Variants in FER observed in about 807,000 individuals in gnomAD.
The protein encoded by FER is FER tyrosine kinase.
Under a neutral mutation model 111.0 loss-of-function variants are expected in FER, and 63 were observed. The ratio of observed to expected loss-of-function variants is 0.57; its 90% confidence interval spans 0.46 to 0.70. The LOEUF (loss-of-function observed/expected upper bound fraction) is 0.70. Among genes scored for constraint, FER ranks in the 30% least tolerant of loss-of-function variants. The pLI, the probability that FER is intolerant of heterozygous loss-of-function variation, is 0.00. For missense variants in FER, 914 were observed against 954.0 expected (o/e 0.96, Z 0.55); for synonymous variants, 327 against 313.9 (o/e 1.04, Z -0.44).
chr5:108,764,971 C>G (rs1302555864), intron 1 of FER, among the ~76,000 whole-genome samples: 1 of 152,012 alleles, frequency 6.6e-6, no homozygotes, highest in African/African-American at 2.4e-5. Flanking sequence ...ATTTTGCGCC[C>G]CAGGTATTTC....
intron 11 of FER, among the ~76,000 whole-genome samples, chr5:108,947,373 T>C (rs1477102114): frequency 6.6e-6 from 1 of 152,068 alleles, no homozygotes; most frequent in Non-Finnish European, 1.5e-5. Flanking sequence ...ATTTTAAATG[T>C]TTTCATGTTA....
intron 17 of FER, among the ~76,000 whole-genome samples, chr5:109,113,122 CTGA>C (rs1322102402): frequency 6.6e-6 from 1 of 152,128 alleles, no homozygotes; most frequent in Non-Finnish European, 1.5e-5. Flanking sequence ...TAGAACCAAC[CTGA>C]TGATGTCAGA....
chr5:108,988,760 G>A (rs1416000720), intron 13 of FER, among the ~76,000 whole-genome samples: 1 of 151,842 alleles, frequency 6.6e-6, no homozygotes. Context: ...TATCTTTGTT[G>A]TTGTTGGTTT....
At chr5:109,022,658 G>A (rs548731684) in intron 13 of FER, among the ~76,000 whole-genome samples, 1 of 152,186 alleles carries the variant, frequency 6.6e-6, no homozygotes, top group South Asian at 2.1e-4. Context: ...ACTTTAGTTA[G>A]GATGATCAGA....
At chr5:108,848,130 T>C (rs1762200028) in intron 5 of FER, among the ~76,000 whole-genome samples, 1 of 152,204 alleles carries the variant, frequency 6.6e-6, no homozygotes, top group Non-Finnish European at 1.5e-5. Context: ...TCTGCCTCCC[T>C]GGGCCTCCCA....
At chr5:108,980,358 A>G (rs967786882) in intron 13 of FER, among the ~76,000 whole-genome samples, 2 of 152,142 alleles carry the variant, frequency 1.3e-5, no homozygotes, top group African/African-American at 4.8e-5. Flanking sequence ...AAGGCCATAG[A>G]GAAGAGTAAA....
intron 16 of FER, among the ~76,000 whole-genome samples, chr5:109,071,282 C>A (rs1416951361): frequency 1.3e-5 from 2 of 151,970 alleles, no homozygotes; most frequent in Non-Finnish European, 2.9e-5. Flanking sequence ...AGAATATTAG[C>A]TAGATGTCCA....
At chr5:108,785,046 C>T in intron 2 of FER, 2 of 374,740 alleles carry the variant, frequency 5.3e-6, no homozygotes, top group Admixed American at 6.3e-5. Context: ...ATGAGAGTCA[C>T]AGAGTGGGTG....
At chr5:108,872,044 T>A in intron 7 of FER, 49 bp from the exon 8 acceptor site, 1 of 1,565,876 alleles carries the variant, frequency 6.4e-7, no homozygotes, top group East Asian at 2.3e-5. Flanking sequence ...GAAGATATAT[T>A]ATGATACTGT....
intron 16 of FER, among the ~76,000 whole-genome samples, chr5:109,081,205 A>T (rs1776948919): frequency 6.6e-6 from 1 of 152,134 alleles, no homozygotes; most frequent in East Asian, 1.9e-4. Flanking sequence ...ACGATCTGCA[A>T]GTTTATGTAG....
At chr5:108,804,345 CT>C (rs1457914045) in intron 3 of FER, among the ~76,000 whole-genome samples, 1 of 152,042 alleles carries the variant, frequency 6.6e-6, no homozygotes, top group Non-Finnish European at 1.5e-5. Context: ...CCTGATTGTT[CT>C]GGCTAGGACT....
At chr5:108,824,627 T>C (rs1293112610) in intron 3 of FER, among the ~76,000 whole-genome samples, 1 of 152,182 alleles carries the variant, frequency 6.6e-6, no homozygotes, top group East Asian at 1.9e-4. Context: ...TGTTACTGAT[T>C]GTTTTTATAC....
intron 16 of FER, among the ~76,000 whole-genome samples, chr5:109,060,737 TTGTG>T (rs906863220): frequency 6.7e-6 from 1 of 148,750 alleles, no homozygotes; most frequent in African/African-American, 2.5e-5. Flanking sequence ...TGTACTGTGA[TTGTG>T]TGTGTGTGCG....
chr5:109,093,522 G>A (rs1747083793), intron 16 of FER, among the ~76,000 whole-genome samples: 2 of 152,012 alleles, frequency 1.3e-5, no homozygotes, highest in South Asian at 4.1e-4. Context: ...TAGTAAGATT[G>A]TATGACATTT....
At chr5:109,158,217 A>G (rs963280073) in intron 17 of FER, among the ~76,000 whole-genome samples, 6 of 151,870 alleles carry the variant, frequency 4.0e-5, no homozygotes, top group Admixed American at 2.0e-4. Flanking sequence ...CGTCTCTACA[A>G]AAAAAATACC....
At chr5:108,757,783 A>G (rs1244611691) in intron 1 of FER, among the ~76,000 whole-genome samples, 1 of 152,194 alleles carries the variant, frequency 6.6e-6, no homozygotes. Flanking sequence ...TAAAATGTTA[A>G]CATAAACAAC....
At chr5:109,051,471 G>A (rs1772808351) in intron 16 of FER, 3 of 1,613,056 alleles carry the variant, frequency 1.9e-6, no homozygotes, top group Non-Finnish European at 2.5e-6. Flanking sequence ...GCTGTGCGTG[G>A]GAGTTAGAGA....
At chr5:109,052,529 A>C in intron 16 of FER, 1 of 716,688 alleles carries the variant, frequency 1.4e-6, no homozygotes, top group Non-Finnish European at 2.4e-6. Context: ...TTGGAGGATG[A>C]AGTAAAATGA....
chr5:109,074,093 C>G (rs1297258913), intron 16 of FER, among the ~76,000 whole-genome samples: 1 of 152,126 alleles, frequency 6.6e-6, no homozygotes, highest in Non-Finnish European at 1.5e-5. Flanking sequence ...AAATAAAAAG[C>G]TGGCAGGGCA....
Sources: gnomAD v4.1 joint callset for allele counts (sites outside exome capture counted in the v4.1 genomes callset) on GRCh38, gnomAD v4.1.1 for gene constraint, MANE v1.5 for transcripts, NCBI Gene and HGNC (gene_info 2026-07-23, HGNC 2026-07-21) for gene names.